Variants in AKAP6 observed in about 807,000 individuals in gnomAD.
AKAP6 encodes the protein A-kinase anchoring protein 6.
A neutral mutation model predicts 188.5 loss-of-function variants in AKAP6; 58 were observed. The observed-to-expected ratio is 0.31, with a 90% CI of 0.25 to 0.38. The LOEUF (loss-of-function observed/expected upper bound fraction) is 0.38, where lower values mean the gene tolerates loss of function less well. AKAP6 is among the 10% of genes least tolerant of loss of function. The pLI is 1.00. For missense variants in AKAP6, 2,710 were observed against 2,740.0 expected, an observed-to-expected ratio of 0.99 and a Z score of 0.24; for synonymous variants, 989 against 998.6, an observed-to-expected ratio of 0.99 and a Z score of 0.18.
chr14:32,562,644 G>A (rs1884003525), intron 4 of AKAP6, among the ~76,000 whole-genome samples: 1 of 152,108 alleles, frequency 6.6e-6, no homozygotes. Context: ...TGTAGTCCAA[G>A]CTACTCAGGA....
At chr14:32,438,051 G>A (rs552601595) in intron 2 of AKAP6, among the ~76,000 whole-genome samples, 50 of 152,304 alleles carry the variant, frequency 3.3e-4, no homozygotes, top group African/African-American at 1.2e-3. Context: ...TTGTATAGGT[G>A]AGTCCAAGCC....
intron 1 of AKAP6, among the ~76,000 whole-genome samples, chr14:32,368,966 G>T (rs1394814243): frequency 6.6e-6 from 1 of 152,106 alleles, no homozygotes; most frequent in Non-Finnish European, 1.5e-5. Context: ...GAGTGATGTG[G>T]TTAGAATCAT....
intron 2 of AKAP6, among the ~76,000 whole-genome samples, chr14:32,467,219 A>C (rs1475387647): frequency 7.8e-6 from 1 of 127,840 alleles, no homozygotes; most frequent in Non-Finnish European, 1.9e-5. Flanking sequence ...AAGGAAAAAA[A>C]AACAAAAACA....
chr14:32,469,713 A>T (rs1272273396), intron 2 of AKAP6, among the ~76,000 whole-genome samples: 5 of 62,856 alleles, frequency 8.0e-5, no homozygotes, highest in East Asian at 2.4e-4. Context: ...AATGTCACAA[A>T]TTTTTTTTTT....
intron 7 of AKAP6, among the ~76,000 whole-genome samples, chr14:32,646,360 C>T (rs534254721): frequency 2.6e-5 from 4 of 151,914 alleles, no homozygotes; most frequent in African/African-American, 7.3e-5. Flanking sequence ...TGGTATTCAA[C>T]ACTAATATGA....
chr14:32,750,803 T>C (rs943692373), intron 11 of AKAP6, among the ~76,000 whole-genome samples: 3 of 149,640 alleles, frequency 2.0e-5, no homozygotes, highest in Non-Finnish European at 4.4e-5. Context: ...AGTGCAGTGG[T>C]GTGATCTCGG....
At chr14:32,634,369 T>C (rs1164453363) in intron 7 of AKAP6, among the ~76,000 whole-genome samples, 2 of 152,104 alleles carry the variant, frequency 1.3e-5, no homozygotes, top group Admixed American at 1.3e-4. Context: ...GGAATGCTTT[T>C]TTGCCTTCTG....
intron 2 of AKAP6, among the ~76,000 whole-genome samples, chr14:32,436,259 T>G (rs1201553764): frequency 6.6e-6 from 1 of 152,204 alleles, no homozygotes; most frequent in Non-Finnish European, 1.5e-5. Context: ...CACAGATAAT[T>G]GCCTAATTTA....
At chr14:32,764,406 C>T (rs895940307) in intron 11 of AKAP6, among the ~76,000 whole-genome samples, 1 of 152,152 alleles carries the variant, frequency 6.6e-6, no homozygotes, top group African/African-American at 2.4e-5. Flanking sequence ...CAATCTCCTT[C>T]CCTTTGCAGA....
At chr14:32,583,694 C>A (rs1017365890) in intron 5 of AKAP6, among the ~76,000 whole-genome samples, 1 of 152,218 alleles carries the variant, frequency 6.6e-6, no homozygotes, top group African/African-American at 2.4e-5. Context: ...TGCCCCTCCC[C>A]CAGCCTCGCT....
chr14:32,487,738 C>G (rs973180677), intron 2 of AKAP6, among the ~76,000 whole-genome samples: 1 of 152,206 alleles, frequency 6.6e-6, no homozygotes, highest in African/African-American at 2.4e-5. Context: ...TGTGGTCATC[C>G]TTTTAGTTGA....
chr14:32,547,782 T>C (rs1163274431), intron 4 of AKAP6, among the ~76,000 whole-genome samples: 1 of 151,656 alleles, frequency 6.6e-6, no homozygotes, highest in Non-Finnish European at 1.5e-5. Context: ...AGGTTGAGGC[T>C]GCAGTGAGTT....
intron 12 of AKAP6, among the ~76,000 whole-genome samples, chr14:32,814,207 T>C (rs1040171371): frequency 1.3e-5 from 2 of 152,234 alleles, no homozygotes; most frequent in African/African-American, 4.8e-5. Flanking sequence ...TTTCTCTTCG[T>C]TTATTCAGTG....
intron 7 of AKAP6, among the ~76,000 whole-genome samples, chr14:32,633,011 T>C (rs1457378882): frequency 6.6e-6 from 1 of 152,088 alleles, no homozygotes; most frequent in Non-Finnish European, 1.5e-5. Flanking sequence ...CTAAATGTAA[T>C]GCTATCTAGG....
intron 13 of AKAP6, among the ~76,000 whole-genome samples, chr14:32,828,438 G>C (rs2034730167): frequency 6.6e-6 from 1 of 151,774 alleles, no homozygotes; most frequent in Non-Finnish European, 1.5e-5. Flanking sequence ...TAAATTATCT[G>C]GCACTTCTGA....
chr14:32,474,610 T>C (rs1037412668), intron 2 of AKAP6: 2 of 152,254 alleles, frequency 1.3e-5, no homozygotes, highest in Non-Finnish European at 2.9e-5. Context: ...CAGGTGGGGC[T>C]GGCTTATAGT....
At chr14:32,617,926 C>A (rs1886650671) in intron 7 of AKAP6, among the ~76,000 whole-genome samples, 2 of 152,144 alleles carry the variant, frequency 1.3e-5, no homozygotes, top group African/African-American at 4.8e-5. Context: ...CACACCCAGC[C>A]CTTCAGGTCA....
At chr14:32,722,782 C>A (rs2030615746) in intron 9 of AKAP6, among the ~76,000 whole-genome samples, 1 of 152,188 alleles carries the variant, frequency 6.6e-6, no homozygotes, top group African/African-American at 2.4e-5. Flanking sequence ...AAATCTTCCA[C>A]ATACATCACC....
chr14:32,367,050 C>T (rs1439129112), intron 1 of AKAP6, among the ~76,000 whole-genome samples: 1 of 152,152 alleles, frequency 6.6e-6, no homozygotes, highest in Non-Finnish European at 1.5e-5. Context: ...GCGGGCTGCT[C>T]CAATTCAGAG....
Sources: gnomAD v4.1 joint callset for allele counts (sites outside exome capture counted in the v4.1 genomes callset) on GRCh38, gnomAD v4.1.1 for gene constraint, MANE v1.5 for transcripts, NCBI Gene and HGNC (gene_info 2026-07-23, HGNC 2026-07-21) for gene names.